ZMAT3: variants seen among roughly 807,000 people sequenced by gnomAD.
ZMAT3 encodes zinc finger matrin-type 3.
In ZMAT3, 17 loss-of-function variants were observed where a neutral mutation model predicts 32.3. The observed-to-expected ratio is 0.53, with a 90% CI of 0.36 to 0.79. The LOEUF (loss-of-function observed/expected upper bound fraction) is 0.79, where lower values mean the gene tolerates loss of function less well. Among genes scored for constraint, ZMAT3 ranks in the 30% least tolerant of loss-of-function variants. ZMAT3 has a pLI of 0.00. For synonymous variants in ZMAT3, 120 were observed against 133.1 expected, an observed-to-expected ratio of 0.90 and a Z score of 0.68; for missense variants, 329 against 359.7, an observed-to-expected ratio of 0.91 and a Z score of 0.69.
rs541610678 is a variant in ZMAT3, at chr3:179,067,288, A to T, written c.270+195T>A. Among the ~76,000 whole-genome samples the T allele has an allele frequency of 2.4e-4, 36 of 152,348 alleles. No individual in the cohort carries two copies. The South Asian group carries it at 6.4e-3, about 27-fold the overall frequency. On this transcript the variant is annotated intron_variant, in intron 2 of 5. Transcript: ENST00000311417. ...ACACAGCTTAGTGTAACAGGTTGAG[A>T]TCCAGTCTACAAAAAGTGATACTTA...
At chr3:179,047,763 G>A (rs558146149) in intron 2 of ZMAT3, among the ~76,000 whole-genome samples, 45 of 151,972 alleles carry the variant, frequency 3.0e-4, no homozygotes, top group Non-Finnish European at 5.6e-4. Context: ...GGAGGCTGAA[G>A]CAGGAGAATC....
At position 179,048,189 on chromosome 3, in the gene ZMAT3, T is replaced by C. The variant is rs577870806; in HGVS notation, c.271-17190A>G. Among the ~76,000 whole-genome samples the C allele has an allele frequency of 2.6e-5, 4 of 152,324 alleles. No homozygotes were observed. In the South Asian group the frequency reaches 8.3e-4, roughly 32 times the overall value. Reference sequence around the variant, plus strand: ...GATAAACGACCAAACCTAAGAATAATTGCTGTTCCTGAGGAAGAAGAGAAA... The same window carrying C: ...GATAAACGACCAAACCTAAGAATAACTGCTGTTCCTGAGGAAGAAGAGAAA... On this transcript the variant is annotated intron_variant, in intron 2 of 5. Transcript: ENST00000311417.
chr3:179,049,447 A>G (rs181636293), intron 2 of ZMAT3, among the ~76,000 whole-genome samples: 30 of 152,332 alleles, frequency 2.0e-4, no homozygotes, highest in African/African-American at 7.0e-4. Flanking sequence ...ATTTAAGAAA[A>G]TCGAACTTAT....
intron 2 of ZMAT3, among the ~76,000 whole-genome samples, chr3:179,058,407 G>C (rs1720964882): frequency 2.0e-5 from 3 of 152,196 alleles, no homozygotes; most frequent in African/African-American, 7.2e-5. Context: ...CCTTTTAGAG[G>C]TTCCCTTGAC....
chr3:179,062,142 A>T (rs1302496321), intron 2 of ZMAT3, among the ~76,000 whole-genome samples: 1 of 152,178 alleles, frequency 6.6e-6, no homozygotes, highest in Non-Finnish European at 1.5e-5. Flanking sequence ...AATGCTACAA[A>T]GGGGTCAAGT....
chr3:179,032,593 G>A (rs1438465469), intron 2 of ZMAT3, among the ~76,000 whole-genome samples: 1 of 151,386 alleles, frequency 6.6e-6, no homozygotes, highest in Non-Finnish European at 1.5e-5. Context: ...TCTGGGATGT[G>A]GGGAGCACCT....
At chr3:179,068,202 C>G (rs1721520362) in intron 1 of ZMAT3, among the ~76,000 whole-genome samples, 2 of 152,166 alleles carry the variant, frequency 1.3e-5, no homozygotes, top group South Asian at 4.1e-4. Flanking sequence ...GATAATCATG[C>G]ACAGACAAAA....
At position 179,018,310 on chromosome 3, in the gene ZMAT3, A is replaced by G. The variant is rs547540529; in HGVS notation, c.*6707T>C. 6.6e-6 allele frequency: 1 copy of G among 152,342 alleles called. No homozygotes were observed. Among genetic ancestry groups the G allele is most frequent in the East Asian group, 1.9e-4 (1 of 5,188 alleles). 9.4% of individuals were successfully genotyped at this position (152,342 alleles called of 1,614,324 possible). ...GACTTATAAATGAATCATGAAGGTC[A>G]TCAAAATGCAAAAACATCCAATAAA... On this transcript the variant is annotated 3_prime_UTR_variant, in exon 6 of 6. Transcript: ENST00000311417.
intron 1 of ZMAT3, among the ~76,000 whole-genome samples, chr3:179,069,343 C>T (rs4955806): frequency 0.19 from 29,033 of 152,008 alleles, 2,883 homozygotes; most frequent in South Asian, 0.26. Context: ...CTGCCTCCCC[C>T]CCAGATGGCG....
At position 179,022,979 on chromosome 3, in the gene ZMAT3, A is replaced by G. The variant is rs981589285; in HGVS notation, c.*2038T>C. 1.6e-4 allele frequency: 25 copies of G among 152,338 alleles called. No homozygotes were observed. The highest frequency in any genetic ancestry group is 6.0e-4 in the African/African-American group (25 of 41,584). 9.4% of individuals were successfully genotyped at this position (152,338 alleles called of 1,614,324 possible). A position where few individuals can be genotyped will look rare whatever the true frequency, so the allele number is the denominator to read the frequency against. On this transcript the variant is annotated 3_prime_UTR_variant, in exon 6 of 6. Transcript: ENST00000311417. ...CTCTAATTAGTAATACAAGCAATCA[A>G]ATGTGAACTGACCATTGTGCAAACA...
In ZMAT3 at chr3:179,069,748, A is replaced by G. The variant is rs888319114; in HGVS notation, c.-58+1847T>C. Among the ~76,000 whole-genome samples the G allele has an allele frequency of 3.9e-5, 6 of 152,258 alleles. 1 individual carries two copies. The highest frequency in any genetic ancestry group is 8.8e-5 in the Non-Finnish European group (6 of 68,050). On this transcript the variant is annotated intron_variant, in intron 1 of 5. Coordinates refer to ENST00000311417, the MANE Select transcript of ZMAT3 (RefSeq NM_022470.4). The stretch of plus-strand genomic sequence containing the variant: ...AATAATGTAGTTAAGGACAAAGTGC[A>G]TAAGTATTAGTCATAGAATTTAACA...
intron 3 of ZMAT3, among the ~76,000 whole-genome samples, chr3:179,030,098 A>AG (rs1325169399): frequency 2.0e-5 from 3 of 152,242 alleles, no homozygotes; most frequent in Non-Finnish European, 4.4e-5. Context: ...TCTTGCCTAA[A>AG]GCACCTGTTC....
intron 2 of ZMAT3, among the ~76,000 whole-genome samples, chr3:179,066,828 A>C (rs1279916840): frequency 2.6e-5 from 4 of 152,188 alleles, no homozygotes; most frequent in African/African-American, 7.2e-5. Flanking sequence ...TTCAACATGG[A>C]GGTGAAAGCT....
At position 179,046,953 on chromosome 3, in the gene ZMAT3, G is replaced by A. The variant is rs1720273693; in HGVS notation, c.271-15954C>T. ...CCGAAGACAAAGGACATAAGCTCTT[G>A]GGAGCTCTGGGGCCCCACCCACCGC... On this transcript the variant is annotated intron_variant, in intron 2 of 5. Coordinates refer to ENST00000311417, the MANE Select transcript of ZMAT3 (RefSeq NM_022470.4). The surrounding 1 kb of genome is among the most constrained non-coding windows in gnomAD (Gnocchi z 4.3). 6.6e-6 allele frequency among the ~76,000 whole-genome samples: 1 copy of A among 152,126 alleles called. No individual in the cohort carries two copies. The highest frequency in any genetic ancestry group is 1.5e-5 in the Non-Finnish European group (1 of 68,020).
intron 1 of ZMAT3, among the ~76,000 whole-genome samples, chr3:179,070,031 C>T (rs1721629809): frequency 6.6e-6 from 1 of 151,926 alleles, no homozygotes; most frequent in African/African-American, 2.4e-5. Context: ...AGTTTAACTA[C>T]CTAATAATAA....
intron 2 of ZMAT3, among the ~76,000 whole-genome samples, chr3:179,060,234 G>A (rs982440911): frequency 6.0e-5 from 6 of 100,486 alleles, no homozygotes; most frequent in African/African-American, 2.0e-4. Context: ...AAAGATAGCA[G>A]AGACAAACAA....
intron 1 of ZMAT3, among the ~76,000 whole-genome samples, chr3:179,068,186 C>G (rs1268377830): frequency 2.0e-5 from 3 of 152,210 alleles, no homozygotes; most frequent in Admixed American, 1.3e-4. Flanking sequence ...CTTAAACACT[C>G]TTAATGATAA....
chr3:179,068,412 T>G (rs1721532543), intron 1 of ZMAT3, among the ~76,000 whole-genome samples: 1 of 151,876 alleles, frequency 6.6e-6, no homozygotes, highest in South Asian at 2.1e-4. Flanking sequence ...CTCAGGAGGC[T>G]GAGGCAGGAG....
At chr3:179,047,128 A>G (rs1720283483) in intron 2 of ZMAT3, among the ~76,000 whole-genome samples, 1 of 152,230 alleles carries the variant, frequency 6.6e-6, no homozygotes, top group East Asian at 1.9e-4. Flanking sequence ...CCTCCACCAG[A>G]GCAGGTGCTG....
Sources: allele counts gnomAD v4.1 joint callset (sites outside exome capture counted in the v4.1 genomes callset), GRCh38; gene constraint gnomAD v4.1.1; non-coding constraint Gnocchi (gnomAD v3.1); transcripts MANE v1.5; gene names NCBI Gene and HGNC (gene_info 2026-07-23, HGNC 2026-07-21).